IL1RAPL2: variants seen among roughly 807,000 people sequenced by gnomAD.
The protein encoded by IL1RAPL2 is X-linked interleukin-1 receptor accessory protein-like 2.
IL1RAPL2 carries 3 observed loss-of-function variants against 44.1 expected under a neutral mutation model. The observed-to-expected ratio is 0.07, with a 90% CI of 0.03 to 0.18. The LOEUF (loss-of-function observed/expected upper bound fraction) is 0.18, where lower values mean the gene tolerates loss of function less well. Among genes scored for constraint, IL1RAPL2 ranks in the 10% least tolerant of loss-of-function variants. IL1RAPL2 has a pLI of 1.00. For synonymous variants in IL1RAPL2, 181 were observed against 178.8 expected (o/e 1.01, Z -0.10); for missense variants, 391 against 496.4 (o/e 0.79, Z 2.02).
At chrX:104,675,947 G>C (rs1196979992) in intron 2 of IL1RAPL2, among the ~76,000 whole-genome samples, 25 of 104,600 alleles carry the variant, frequency 2.4e-4, no homozygotes, top group African/African-American at 8.3e-4. Flanking sequence ...TTTTCCATTT[G>C]CTTGGTAGAT....
intron 2 of IL1RAPL2, among the ~76,000 whole-genome samples, chrX:104,692,572 A>G (rs1931109623): frequency 9.2e-6 from 1 of 108,990 alleles, no homozygotes; most frequent in South Asian, 4.1e-4. Context: ...TCAGTGTTCA[A>G]TTCCCACCTA....
At position 104,568,116 on chromosome X, in the gene IL1RAPL2, G is replaced by A. The variant is rs951922145; in HGVS notation, c.-20+1065G>A. ...GTTTTTTTTAGGGGGAGTCTATTTA[G>A]GAGTATCTTGTCCCCGAATGAGGAA... On this transcript the variant is annotated intron_variant, in intron 1 of 10. Coordinates refer to ENST00000372582, the MANE Select transcript of IL1RAPL2 (RefSeq NM_017416.2). Among the ~76,000 whole-genome samples the A allele has an allele frequency of 2.7e-5, 3 of 111,196 alleles. No homozygotes were observed. In the Admixed American group the frequency reaches 2.9e-4, roughly 11 times the overall value.
chrX:104,712,922 T>TTATTGG (rs1931486682), intron 2 of IL1RAPL2, among the ~76,000 whole-genome samples: 1 of 110,857 alleles, frequency 9.0e-6, no homozygotes, highest in East Asian at 2.9e-4. Flanking sequence ...TCAAGGAATT[T>TTATTGG]TATTGGGAGG....
chrX:105,449,252 C>T (rs927768836), intron 5 of IL1RAPL2, among the ~76,000 whole-genome samples: 5 of 111,113 alleles, frequency 4.5e-5, no homozygotes, highest in African/African-American at 1.6e-4. Context: ...GTGGTTTGTG[C>T]AGACTTACAG....
intron 6 of IL1RAPL2, among the ~76,000 whole-genome samples, chrX:105,516,203 G>A (rs2036512644): frequency 8.9e-6 from 1 of 112,136 alleles, no homozygotes. Flanking sequence ...GTTTTCACCA[G>A]GTGCATATTG....
chrX:104,970,549 A>C (rs1285566934), intron 2 of IL1RAPL2, among the ~76,000 whole-genome samples: 1 of 111,689 alleles, frequency 9.0e-6, no homozygotes, highest in East Asian at 2.8e-4. Flanking sequence ...GCTTCTAGAA[A>C]AGGGGTGGTA....
intron 2 of IL1RAPL2, among the ~76,000 whole-genome samples, chrX:105,090,349 A>AT (rs2032529043): frequency 9.0e-6 from 1 of 111,674 alleles, no homozygotes. Flanking sequence ...CAAATACTGT[A>AT]TTTTCTATGT....
chrX:105,163,659 A>G (rs749519283), intron 2 of IL1RAPL2, among the ~76,000 whole-genome samples: 13 of 111,764 alleles, frequency 1.2e-4, no homozygotes, highest in Non-Finnish European at 2.1e-4. Context: ...TGTGCTTTTT[A>G]CCTTGGTTTC....
chrX:104,682,707 G>A (rs1930909131), intron 2 of IL1RAPL2, among the ~76,000 whole-genome samples: 1 of 111,898 alleles, frequency 8.9e-6, no homozygotes, highest in Non-Finnish European at 1.9e-5. Flanking sequence ...AGGTTTGGAA[G>A]AAGCTAGAAG....
At chrX:105,762,224 T>C (rs2038693623) in intron 10 of IL1RAPL2, among the ~76,000 whole-genome samples, 1 of 112,203 alleles carries the variant, frequency 8.9e-6, no homozygotes, top group African/African-American at 3.2e-5. Flanking sequence ...CTAAATGCAC[T>C]AGAATTTTGT....
chrX:105,084,212 G>A (rs925577972), intron 2 of IL1RAPL2, among the ~76,000 whole-genome samples: 10 of 112,717 alleles, frequency 8.9e-5, no homozygotes, highest in Non-Finnish European at 1.9e-5. Context: ...CCCCAATGGG[G>A]CACTGCCTAG....
chrX:105,622,015 A>G (rs182627109), intron 6 of IL1RAPL2, among the ~76,000 whole-genome samples: 1 of 109,215 alleles, frequency 9.2e-6, no homozygotes, highest in African/African-American at 3.3e-5. Flanking sequence ...AGTGGCACTT[A>G]CTCCTCTTCT....
chrX:104,657,688 C>G (rs866104429), intron 1 of IL1RAPL2, among the ~76,000 whole-genome samples: 35 of 111,080 alleles, frequency 3.2e-4, no homozygotes, highest in Admixed American at 2.7e-3. Flanking sequence ...AACAGGCAAC[C>G]TACAGAATAG....
chrX:105,717,333 G>A, intron 6 of IL1RAPL2, 34 bp from the exon 7 acceptor site: 1 of 1,139,381 alleles, frequency 8.8e-7, no homozygotes. Flanking sequence ...ATAATCAGGA[G>A]TCATTTGCTC....
chrX:105,585,475 A>G (rs1336540986), intron 6 of IL1RAPL2, among the ~76,000 whole-genome samples: 1 of 110,657 alleles, frequency 9.0e-6, no homozygotes, highest in Non-Finnish European at 1.9e-5. Flanking sequence ...CCTAAGTATT[A>G]AGCCCAGCAT....
chrX:104,733,750 CAT>C (rs1264449475), intron 2 of IL1RAPL2, among the ~76,000 whole-genome samples: 2 of 110,128 alleles, frequency 1.8e-5, no homozygotes, highest in Non-Finnish European at 3.8e-5. Context: ...TAGAAAAACA[CAT>C]AGGAATTCAT....
At chrX:105,590,622 G>T (rs374456568) in intron 6 of IL1RAPL2, among the ~76,000 whole-genome samples, 1 of 111,304 alleles carries the variant, frequency 9.0e-6, no homozygotes, top group East Asian at 2.8e-4. Flanking sequence ...TGACCATGTG[G>T]TTTTTTATTT....
chrX:104,945,632 A>G (rs1925323938), intron 2 of IL1RAPL2, among the ~76,000 whole-genome samples: 1 of 112,052 alleles, frequency 8.9e-6, no homozygotes, highest in Non-Finnish European at 1.9e-5. Context: ...TAATTTTAAT[A>G]ACTTAATGTA....
chrX:104,764,152 G>A (rs1486059425), intron 2 of IL1RAPL2, among the ~76,000 whole-genome samples: 1 of 110,621 alleles, frequency 9.0e-6, no homozygotes, highest in African/African-American at 3.3e-5. Context: ...GCTTTGGGCT[G>A]TATGGACATT....
Sources: allele counts gnomAD v4.1 joint callset (sites outside exome capture counted in the v4.1 genomes callset), GRCh38; gene constraint gnomAD v4.1.1; transcripts MANE v1.5; gene names NCBI Gene and HGNC (gene_info 2026-07-23, HGNC 2026-07-21).